The following RHOT1 variants were observed in gnomAD, a reference collection of about 807,000 sequenced individuals.
RHOT1 encodes the protein mitochondrial Rho GTPase 1.
In RHOT1, 27 loss-of-function variants were observed where a neutral mutation model predicts 95.3. That is an observed-to-expected ratio of 0.28 (90% confidence interval 0.21 to 0.39). RHOT1 has a LOEUF of 0.39. Ranked by LOEUF, RHOT1 falls within the 10% of genes least tolerant of loss-of-function variation. RHOT1 has a pLI of 1.00. For synonymous variants in RHOT1, 227 were observed against 263.5 expected (o/e 0.86, Z 1.34); for missense variants, 578 against 786.7 (o/e 0.73, Z 3.17).
intron 8 of RHOT1, among the ~76,000 whole-genome samples, chr17:32,189,740 T>TC (rs1340062518): frequency 1.1e-4 from 16 of 147,572 alleles, no homozygotes; most frequent in South Asian, 2.1e-4. Flanking sequence ...TCTTTTCTTT[T>TC]TTTTTTTTTT....
At chr17:32,199,349 A>G in intron 12 of RHOT1, 56 bp from the exon 13 acceptor site, 1 of 1,516,740 alleles carries the variant, frequency 6.6e-7, no homozygotes, top group Non-Finnish European at 9.0e-7. Context: ...GGGGCTTTTG[A>G]GTTGGGAATT....
chr17:32,149,635 A>ATATATATATATGTGTGTGTG (rs1445281403), intron 1 of RHOT1, among the ~76,000 whole-genome samples: 3 of 59,088 alleles, frequency 5.1e-5, no homozygotes, highest in South Asian at 8.7e-4. Flanking sequence ...ATATATATAT[A>ATATATATATATGTGTGTGTG]TGTGTGTGTG....
chr17:32,193,099 GGTTT>G (rs780203873), intron 9 of RHOT1, 33 bp from the exon 10 acceptor site: 1 of 1,285,636 alleles, frequency 7.8e-7, no homozygotes, highest in South Asian at 1.3e-5. Flanking sequence ...TTTTAACGCT[GGTTT>G]GTTTTTAAAT....
intron 1 of RHOT1, among the ~76,000 whole-genome samples, chr17:32,152,071 A>T (rs981247629): frequency 6.6e-6 from 1 of 152,208 alleles, no homozygotes; most frequent in Non-Finnish European, 1.5e-5. Flanking sequence ...TAAATTTTTT[A>T]AAATCACACT....
At chr17:32,209,351 G>A (rs1191634105) in intron 18 of RHOT1, 1 of 1,584,736 alleles carries the variant, frequency 6.3e-7, no homozygotes, top group Admixed American at 1.7e-5. Flanking sequence ...TATCTACAGA[G>A]AGGATCATTA....
intron 1 of RHOT1, among the ~76,000 whole-genome samples, chr17:32,148,241 G>A (rs1003901000): frequency 6.6e-6 from 1 of 151,172 alleles, no homozygotes; most frequent in African/African-American, 2.5e-5. Flanking sequence ...CCCCAGCCTG[G>A]GTGACAGAGT....
At chr17:32,175,631 A>G (rs2034940385) in intron 4 of RHOT1, among the ~76,000 whole-genome samples, 1 of 151,926 alleles carries the variant, frequency 6.6e-6, no homozygotes, top group African/African-American at 2.4e-5. Flanking sequence ...TAATTTTTGT[A>G]TTTTAGTAGA....
chr17:32,181,112 C>G (rs1355052543), intron 6 of RHOT1, among the ~76,000 whole-genome samples: 4 of 152,182 alleles, frequency 2.6e-5, no homozygotes, highest in Admixed American at 2.6e-4. Context: ...TAAATGCTTT[C>G]AAGTGCTTCT....
At chr17:32,192,332 C>CT (rs397857197) in intron 9 of RHOT1, 33 bp downstream of exon 9, 21,146 of 538,924 alleles carry the variant, frequency 0.039, 161 homozygotes, top group African/African-American at 0.086. Flanking sequence ...ATTTGCGTAT[C>CT]TTTTTTTTTT....
intron 8 of RHOT1, among the ~76,000 whole-genome samples, chr17:32,186,971 A>G (rs1160277141): frequency 6.6e-6 from 1 of 151,764 alleles, no homozygotes; most frequent in Non-Finnish European, 1.5e-5. Context: ...TTTTTAAATT[A>G]TTATTAAAGG....
At chr17:32,149,716 CAT>C (rs995263489) in intron 1 of RHOT1, among the ~76,000 whole-genome samples, 7 of 143,502 alleles carry the variant, frequency 4.9e-5, no homozygotes, top group African/African-American at 1.9e-4. Context: ...CACACATACA[CAT>C]ATATATACAC....
chr17:32,143,742 C>T (rs1281989850), intron 1 of RHOT1, among the ~76,000 whole-genome samples: 1 of 152,226 alleles, frequency 6.6e-6, no homozygotes, highest in African/African-American at 2.4e-5. Context: ...CCAGGGATAA[C>T]TGGATTGTTT....
chr17:32,149,663 A>G lies in RHOT1; in HGVS notation c.37+6934A>G, dbSNP rs571738989. Among the ~76,000 whole-genome samples the G allele has an allele frequency of 3.4e-3, 328 of 97,170 alleles. 7 individuals are homozygous for G. Among genetic ancestry groups the G allele is most frequent in the African/African-American group, 0.011 (290 of 25,294 alleles). The allele number at this position is 97,170 out of a possible 152,430, so 63.7% of individuals were successfully genotyped here. On this transcript the variant is annotated intron_variant, in intron 1 of 19. Coordinates refer to ENST00000545287, the MANE Select transcript of RHOT1 (RefSeq NM_001033566.3). ...TGTGTGTGTGTGTGTGTGTGTGTGT[A>G]TACACACATGCATACATACATACAC...
intron 1 of RHOT1, among the ~76,000 whole-genome samples, chr17:32,161,496 A>G (rs1461414934): frequency 1.3e-5 from 2 of 152,244 alleles, no homozygotes; most frequent in Admixed American, 6.5e-5. Flanking sequence ...GTATCTTAGC[A>G]GAATTCAGGT....
chr17:32,196,659 C>G (rs1421150132), intron 11 of RHOT1, among the ~76,000 whole-genome samples: 2 of 152,152 alleles, frequency 1.3e-5, no homozygotes, highest in Admixed American at 6.6e-5. Context: ...ACCTCTCTCC[C>G]TCTCGCCCCC....
intron 1 of RHOT1, among the ~76,000 whole-genome samples, chr17:32,162,217 C>T (rs995179443): frequency 6.6e-6 from 1 of 151,936 alleles, no homozygotes; most frequent in Non-Finnish European, 1.5e-5. Context: ...GCTCTGTTGC[C>T]CCCTCCTCCC....
intron 6 of RHOT1, among the ~76,000 whole-genome samples, chr17:32,181,630 G>A (rs1189912996): frequency 6.6e-6 from 1 of 152,068 alleles, no homozygotes; most frequent in African/African-American, 2.4e-5. Context: ...TTAACTCATG[G>A]CCAGTCTTGT....
intron 6 of RHOT1, among the ~76,000 whole-genome samples, chr17:32,180,372 T>C (rs1449867690): frequency 2.6e-5 from 4 of 152,144 alleles, no homozygotes; most frequent in African/African-American, 9.7e-5. Context: ...CCCTGTGCTC[T>C]CTGAAACATG....
At chr17:32,144,656 C>T (rs1176094354) in intron 1 of RHOT1, among the ~76,000 whole-genome samples, 1 of 151,692 alleles carries the variant, frequency 6.6e-6, no homozygotes, top group Non-Finnish European at 1.5e-5. Context: ...TGAGACCAAC[C>T]TGGGCAATGT....
Sources: gnomAD v4.1 joint callset for allele counts (sites outside exome capture counted in the v4.1 genomes callset) on GRCh38, gnomAD v4.1.1 for gene constraint, MANE v1.5 for transcripts, NCBI Gene and HGNC (gene_info 2026-07-23, HGNC 2026-07-21) for gene names.